BMPER: variants seen among roughly 807,000 people sequenced by gnomAD.
The protein encoded by BMPER is BMP-binding endothelial regulator protein.
A neutral mutation model predicts 87.3 loss-of-function variants in BMPER; 45 were observed. The ratio of observed to expected loss-of-function variants is 0.52; its 90% CI spans 0.41 to 0.66. The LOEUF (loss-of-function observed/expected upper bound fraction) is 0.66, where lower values mean the gene tolerates loss of function less well. BMPER is among the 30% of genes least tolerant of loss of function. The pLI, the probability that BMPER is intolerant of heterozygous loss-of-function variation, is 0.00. For missense variants in BMPER, 784 were observed against 867.5 expected (o/e 0.90, Z 1.21); for synonymous variants, 326 against 316.2 (o/e 1.03, Z -0.33).
chr7:34,036,020 A>T (rs1585761212), intron 6 of BMPER, among the ~76,000 whole-genome samples: 1 of 152,118 alleles, frequency 6.6e-6, no homozygotes, highest in African/African-American at 2.4e-5. Context: ...TGTTGTTGTG[A>T]TGTAGATAGC....
At chr7:34,139,071 A>G (rs941044744) in intron 13 of BMPER, among the ~76,000 whole-genome samples, 3 of 152,250 alleles carry the variant, frequency 2.0e-5, no homozygotes, top group African/African-American at 7.2e-5. Context: ...AGTGTGATAA[A>G]CATGAATTGA....
intron 6 of BMPER, among the ~76,000 whole-genome samples, chr7:33,979,259 G>T (rs1311582989): frequency 4.6e-5 from 7 of 151,432 alleles, no homozygotes; most frequent in Non-Finnish European, 8.8e-5. Context: ...CCAGTCCTTT[G>T]CTCATGCTGC....
intron 7 of BMPER, among the ~76,000 whole-genome samples, chr7:34,049,430 A>C (rs1585776248): frequency 6.6e-6 from 1 of 152,260 alleles, no homozygotes; most frequent in East Asian, 1.9e-4. Context: ...CAGTCAATAA[A>C]TCAATTGATC....
intron 6 of BMPER, among the ~76,000 whole-genome samples, chr7:34,017,452 C>T (rs996475997): frequency 6.6e-6 from 1 of 151,782 alleles, no homozygotes; most frequent in Non-Finnish European, 1.5e-5. Flanking sequence ...ATAAAACCAT[C>T]AGATCTCATA....
intron 14 of BMPER, among the ~76,000 whole-genome samples, chr7:34,148,587 A>T (rs1230421368): frequency 6.6e-6 from 1 of 152,204 alleles, no homozygotes; most frequent in Non-Finnish European, 1.5e-5. Context: ...AGGATGAAGG[A>T]TCATACAAGA....
intron 2 of BMPER, among the ~76,000 whole-genome samples, chr7:33,930,090 T>C (rs1237561114): frequency 1.3e-5 from 2 of 152,238 alleles, no homozygotes; most frequent in Non-Finnish European, 2.9e-5. Flanking sequence ...CTAAACTCAG[T>C]TGGGAAAGAG....
At chr7:33,932,011 G>A (rs1784491433) in intron 2 of BMPER, among the ~76,000 whole-genome samples, 1 of 152,144 alleles carries the variant, frequency 6.6e-6, no homozygotes, top group Non-Finnish European at 1.5e-5. Context: ...TGGAGACTAG[G>A]AACCTTGCTG....
chr7:34,070,394 A>G (rs1041103978), intron 11 of BMPER, among the ~76,000 whole-genome samples: 1 of 152,184 alleles, frequency 6.6e-6, no homozygotes, highest in Non-Finnish European at 1.5e-5. Context: ...GTTGCTAATC[A>G]ATCATCAGGT....
intron 14 of BMPER, among the ~76,000 whole-genome samples, chr7:34,144,604 CA>C (rs35869166): frequency 0.55 from 83,417 of 151,518 alleles, 23,765 homozygotes; most frequent in East Asian, 0.8. Flanking sequence ...TAGAAATTTG[CA>C]ATTTTACAAT....
chr7:33,966,466 G>A lies in BMPER; in HGVS notation c.320-13G>A. The A allele has an allele frequency of 6.2e-7, 1 of 1,611,086 alleles. No individual in the cohort carries two copies. The highest frequency in any genetic ancestry group is 8.5e-7 in the Non-Finnish European group (1 of 1,177,376). ...TCTTGGCCTTTCTTCCTGCTTCTGT[G>A]TCTCCTGTCTAGGTTGCACCTATGA... On this transcript the variant is annotated splice_polypyrimidine_tract_variant and intron_variant, in intron 3 of 14. Coordinates refer to ENST00000649409, the MANE Select transcript of BMPER (RefSeq NM_001365308.1).
At chr7:33,919,516 G>A (rs969614738) in intron 2 of BMPER, among the ~76,000 whole-genome samples, 5 of 152,302 alleles carry the variant, frequency 3.3e-5, no homozygotes, top group South Asian at 2.1e-4. Context: ...ACCCCTCTGA[G>A]GGTGGTGGGA....
At chr7:34,002,888 AC>A (rs1178801556) in intron 6 of BMPER, among the ~76,000 whole-genome samples, 1 of 151,408 alleles carries the variant, frequency 6.6e-6, no homozygotes, top group African/African-American at 2.4e-5. Flanking sequence ...CTTTCAACTT[AC>A]TTGTTTCTTT....
chr7:33,962,733 A>G (rs1785301641), intron 3 of BMPER, among the ~76,000 whole-genome samples: 1 of 152,188 alleles, frequency 6.6e-6, no homozygotes, highest in Non-Finnish European at 1.5e-5. Context: ...AAGCTTATAA[A>G]ATCTCAAATG....
intron 6 of BMPER, among the ~76,000 whole-genome samples, chr7:33,994,341 C>T (rs558728530): frequency 2.4e-4 from 37 of 152,328 alleles, no homozygotes; most frequent in African/African-American, 5.8e-4. Context: ...TTTTTAAGCC[C>T]GTCGGAAAAG....
At chr7:33,975,833 C>T (rs1451566261) in intron 6 of BMPER, among the ~76,000 whole-genome samples, 3 of 152,082 alleles carry the variant, frequency 2.0e-5, no homozygotes, top group Non-Finnish European at 2.9e-5. Flanking sequence ...CATGTCTTTT[C>T]GAAAATCTTT....
chr7:33,981,529 A>G (rs1474398978), intron 6 of BMPER, among the ~76,000 whole-genome samples: 2 of 152,150 alleles, frequency 1.3e-5, no homozygotes, highest in African/African-American at 2.4e-5. Context: ...AATGATTTGT[A>G]ATTAGATATT....
At chr7:34,014,958 G>A (rs1786980745) in intron 6 of BMPER, among the ~76,000 whole-genome samples, 1 of 151,826 alleles carries the variant, frequency 6.6e-6, no homozygotes. Context: ...TGCACACTCA[G>A]TAGGGTTTCT....
intron 6 of BMPER, among the ~76,000 whole-genome samples, chr7:33,985,118 C>T (rs1485619961): frequency 6.6e-6 from 1 of 152,162 alleles, no homozygotes; most frequent in Non-Finnish European, 1.5e-5. Context: ...CATAATGCAG[C>T]CTTTCTTGTG....
intron 13 of BMPER, among the ~76,000 whole-genome samples, chr7:34,133,995 A>G (rs1361273834): frequency 6.6e-6 from 1 of 152,200 alleles, no homozygotes; most frequent in Non-Finnish European, 1.5e-5. Context: ...GATGTAGTAC[A>G]TAGGTGAAAT....
Sources: gnomAD v4.1 joint callset for allele counts (sites outside exome capture counted in the v4.1 genomes callset) on GRCh38, gnomAD v4.1.1 for gene constraint, MANE v1.5 for transcripts, NCBI Gene and HGNC (gene_info 2026-07-23, HGNC 2026-07-21) for gene names.